TNS3: variants seen among roughly 807,000 people sequenced by gnomAD.
The protein encoded by TNS3 is tensin 3.
TNS3 carries 45 observed loss-of-function variants against 140.9 expected under a neutral mutation model. That is an observed-to-expected ratio of 0.32 (90% CI 0.25 to 0.41). TNS3 has a LOEUF of 0.41. Among genes scored for constraint, TNS3 ranks in the 10% least tolerant of loss-of-function variants. TNS3 has a pLI of 1.00. For synonymous variants in TNS3, 815 were observed against 788.4 expected, an observed-to-expected ratio of 1.03 and a Z score of -0.56; for missense variants, 1,716 against 1,906.7, an observed-to-expected ratio of 0.90 and a Z score of 1.86.
chr7:47,564,646 A>ACAC (rs1168107380), intron 1 of TNS3, among the ~76,000 whole-genome samples: 2 of 34,098 alleles, frequency 5.9e-5, no homozygotes, highest in African/African-American at 2.0e-4. Flanking sequence ...AAAAAAAAAA[A>ACAC]AAACAAAAAA....
At chr7:47,393,093 A>C (rs866764657) in intron 16 of TNS3, among the ~76,000 whole-genome samples, 2 of 152,234 alleles carry the variant, frequency 1.3e-5, no homozygotes, top group South Asian at 4.1e-4. Context: ...GTTAAGTGAA[A>C]AACTCAGGCT....
chr7:47,279,899 T>C, intron 30 of TNS3: 1 of 529,208 alleles, frequency 1.9e-6, no homozygotes, highest in Non-Finnish European at 3.4e-6. Context: ...AAAAAGGCTG[T>C]GCCATCCATC....
At chr7:47,348,349 G>A (rs931709414) in intron 17 of TNS3, among the ~76,000 whole-genome samples, 3 of 152,226 alleles carry the variant, frequency 2.0e-5, no homozygotes, top group Non-Finnish European at 4.4e-5. Flanking sequence ...TTCCACCAGG[G>A]AGGACCTATC....
intron 3 of TNS3, among the ~76,000 whole-genome samples, chr7:47,485,141 G>A (rs1482126923): frequency 1.3e-5 from 2 of 152,178 alleles, no homozygotes; most frequent in East Asian, 1.9e-4. Flanking sequence ...ATGGGCACCC[G>A]CTGGCCTTGT....
At chr7:47,552,220 G>A (rs1800083002) in intron 1 of TNS3, among the ~76,000 whole-genome samples, 1 of 152,118 alleles carries the variant, frequency 6.6e-6, no homozygotes, top group Non-Finnish European at 1.5e-5. Flanking sequence ...TGCGTTAACA[G>A]TAATCTTGCC....
chr7:47,284,336 C>T (rs888168417), intron 27 of TNS3, among the ~76,000 whole-genome samples: 4 of 152,136 alleles, frequency 2.6e-5, no homozygotes, highest in African/African-American at 7.2e-5. Context: ...GTCCTCAAAT[C>T]CTGGTTGCCA....
intron 13 of TNS3, among the ~76,000 whole-genome samples, chr7:47,401,210 CAG>C (rs1793143795): frequency 6.6e-6 from 1 of 152,236 alleles, no homozygotes; most frequent in Non-Finnish European, 1.5e-5. Flanking sequence ...CGCTAGTCCT[CAG>C]AGAGGCCACA....
At chr7:47,324,657 C>G (rs1339896259) in intron 20 of TNS3, among the ~76,000 whole-genome samples, 1 of 152,078 alleles carries the variant, frequency 6.6e-6, no homozygotes, top group Non-Finnish European at 1.5e-5. Context: ...GAGGCTGAGG[C>G]CAGAGAATCA....
At chr7:47,382,668 C>T (rs1007226498) in intron 16 of TNS3, among the ~76,000 whole-genome samples, 1 of 151,676 alleles carries the variant, frequency 6.6e-6, no homozygotes, top group African/African-American at 2.4e-5. Flanking sequence ...CAGCACCCCC[C>T]AGTCCCCCAC....
At chr7:47,292,585 A>G (rs1785771509) in intron 26 of TNS3, among the ~76,000 whole-genome samples, 2 of 152,226 alleles carry the variant, frequency 1.3e-5, no homozygotes, top group Non-Finnish European at 2.9e-5. Flanking sequence ...TCTTTGCTCT[A>G]TAGAAATCTT....
At chr7:47,470,000 G>GAC (rs1796884773) in intron 4 of TNS3, among the ~76,000 whole-genome samples, 3 of 100,824 alleles carry the variant, frequency 3.0e-5, no homozygotes, top group Non-Finnish European at 5.8e-5. Flanking sequence ...AAAAAAAATT[G>GAC]TGGTACATGT....
intron 17 of TNS3, among the ~76,000 whole-genome samples, chr7:47,358,955 G>T (rs1199658498): frequency 1.3e-5 from 2 of 152,144 alleles, no homozygotes; most frequent in Non-Finnish European, 2.9e-5. Context: ...CAGAGACCTG[G>T]TGATACCAAA....
At chr7:47,499,901 C>A (rs567909692) in intron 3 of TNS3, among the ~76,000 whole-genome samples, 1 of 152,044 alleles carries the variant, frequency 6.6e-6, no homozygotes, top group Non-Finnish European at 1.5e-5. Flanking sequence ...TGTTCTGGTG[C>A]GGCGATGCTG....
chr7:47,576,215 A>G (rs1800671938), intron 1 of TNS3, among the ~76,000 whole-genome samples: 1 of 152,202 alleles, frequency 6.6e-6, no homozygotes, highest in Non-Finnish European at 1.5e-5. Context: ...AAGGACCACA[A>G]GGTGCTTTTC....
At chr7:47,435,920 A>G (rs1437372137) in intron 7 of TNS3, among the ~76,000 whole-genome samples, 3 of 152,150 alleles carry the variant, frequency 2.0e-5, no homozygotes, top group Non-Finnish European at 4.4e-5. Context: ...GAAAATCACC[A>G]CCATGTGCTA....
Position 47,275,189 on chromosome 7 carries a change from A to T in TNS3, c.*2887T>A, listed in dbSNP as rs1335488164. On this transcript the variant is annotated 3_prime_UTR_variant, in exon 31 of 31. Transcript: ENST00000311160. ...CATAATTTTATTATACTCTGAATAG[A>T]GATGATATTTAAGGAGCAGAGAAAA... 6.5e-6 allele frequency: 1 copy of T among 152,690 alleles called. No individual in the cohort carries two copies. Among genetic ancestry groups the T allele is most frequent in the African/African-American group, 2.4e-5 (1 of 41,472 alleles). The allele number at this position is 152,690 out of a possible 1,614,324, so 9.5% of individuals were successfully genotyped here.
intron 20 of TNS3, among the ~76,000 whole-genome samples, chr7:47,326,363 C>A: frequency 6.6e-6 from 1 of 152,188 alleles, no homozygotes; most frequent in East Asian, 1.9e-4. Context: ...AAACTATGTT[C>A]TTTCCACAAG....
intron 4 of TNS3, among the ~76,000 whole-genome samples, chr7:47,473,359 G>T (rs140915395): frequency 1.3e-5 from 2 of 152,138 alleles, no homozygotes; most frequent in African/African-American, 4.8e-5. Context: ...GAACATTTGC[G>T]TATATCCATT....
At chr7:47,530,838 A>ATATATATATATATATATATAT (rs1554350246) in intron 1 of TNS3, among the ~76,000 whole-genome samples, 4 of 54,560 alleles carry the variant, frequency 7.3e-5, no homozygotes, top group African/African-American at 7.9e-5. Context: ...AAAAAAAAAA[A>ATATATATATATATATATATAT]ATATATATAT....
Sources: gnomAD v4.1 joint callset for allele counts (sites outside exome capture counted in the v4.1 genomes callset) on GRCh38, gnomAD v4.1.1 for gene constraint, MANE v1.5 for transcripts, NCBI Gene and HGNC (gene_info 2026-07-23, HGNC 2026-07-21) for gene names.